Variants in OR51B5 observed in about 807,000 individuals in gnomAD.
The protein encoded by OR51B5 is olfactory receptor family 51 subfamily B member 5, also known as olfactory receptor 51B5.
For synonymous variants in OR51B5, 186 were observed against 144.8 expected, an observed-to-expected ratio of 1.28 and a Z score of -2.04; for missense variants, 456 against 374.6, an observed-to-expected ratio of 1.22 and a Z score of -1.79.
chr11:5,429,460 G>A (rs140884499), intron 1 of OR51B5, among the ~76,000 whole-genome samples: 1 of 152,278 alleles, frequency 6.6e-6, no homozygotes, highest in East Asian at 1.9e-4. Context: ...TATTTTCATT[G>A]TAATTGGAGG....
intron 1 of OR51B5, among the ~76,000 whole-genome samples, chr11:5,366,565 C>T (rs576597367): frequency 1.3e-5 from 2 of 151,460 alleles, no homozygotes; most frequent in Non-Finnish European, 2.9e-5. Flanking sequence ...GCCGAGATCG[C>T]GCCATTGCAC....
At chr11:5,400,190 C>G (rs1230999307) in intron 1 of OR51B5, among the ~76,000 whole-genome samples, 1 of 152,176 alleles carries the variant, frequency 6.6e-6, no homozygotes, top group East Asian at 1.9e-4. Flanking sequence ...TAGCCCACAG[C>G]ACAGAGCTTT....
rs912177324 is a variant in OR51B5 at position 5,385,809 on chromosome 11, C to G, written n.85-38899G>C. Among the ~76,000 whole-genome samples, 10 of 148,140 alleles carry G rather than the reference C, an allele frequency of 6.8e-5. No individual in the cohort carries two copies. In the South Asian group the frequency reaches 2.1e-3, roughly 31 times the overall value. On this transcript the variant is annotated intron_variant and non_coding_transcript_variant, in intron 1 of 4. Transcript: ENST00000415970. ...TACCCTATACTTATATATAAAAAAT[C>G]TATAAAGTATATAAAGAATATATAA...
At chr11:5,364,647 G>A (rs1042425124) in intron 1 of OR51B5, among the ~76,000 whole-genome samples, 1 of 147,276 alleles carries the variant, frequency 6.8e-6, no homozygotes, top group Non-Finnish European at 1.5e-5. Context: ...CCATCCTCAT[G>A]TGCATCTCTG....
chr11:5,389,381 C>T (rs1389265594), intron 1 of OR51B5: 1 of 1,605,086 alleles, frequency 6.2e-7, no homozygotes, highest in Non-Finnish European at 8.5e-7. Flanking sequence ...CATTTATTTT[C>T]AGCTCAATCC....
chr11:5,359,171 G>T (rs980806634), intron 1 of OR51B5, among the ~76,000 whole-genome samples: 19 of 152,010 alleles, frequency 1.2e-4, no homozygotes, highest in African/African-American at 4.3e-4. Flanking sequence ...AGGAAAAAAA[G>T]GTATTCAATT....
intron 1 of OR51B5, among the ~76,000 whole-genome samples, chr11:5,353,278 G>C (rs1849132008): frequency 1.3e-5 from 2 of 152,116 alleles, no homozygotes; most frequent in Non-Finnish European, 2.9e-5. Context: ...ATAATAATTT[G>C]AAAACAGAGA....
At chr11:5,433,463 G>C (rs554511095) in intron 1 of OR51B5, among the ~76,000 whole-genome samples, 1 of 152,294 alleles carries the variant, frequency 6.6e-6, no homozygotes, top group East Asian at 1.9e-4. Flanking sequence ...TGATGTATGA[G>C]TCAGTGATCC....
intron 1 of OR51B5, among the ~76,000 whole-genome samples, chr11:5,393,613 G>A (rs1849828740): frequency 1.3e-5 from 2 of 152,028 alleles, no homozygotes; most frequent in African/African-American, 2.4e-5. Flanking sequence ...CAATGAAGAT[G>A]ATAATTATGA....
intron 1 of OR51B5, among the ~76,000 whole-genome samples, chr11:5,430,469 C>G (rs771041920): frequency 6.6e-6 from 1 of 152,128 alleles, no homozygotes; most frequent in East Asian, 1.9e-4. Context: ...CACACATACA[C>G]AAATAAAATG....
intron 1 of OR51B5, among the ~76,000 whole-genome samples, chr11:5,465,266 T>C (rs201472970): frequency 0.16 from 22,974 of 148,028 alleles, 1,960 homozygotes; most frequent in East Asian, 0.36. Context: ...CCAGCACCTG[T>C]TGTTTCCTGA....
chr11:5,356,953 A>C lies in OR51B5; in HGVS notation n.85-10043T>G, dbSNP rs538538919. 4.1e-3 allele frequency among the ~76,000 whole-genome samples: 626 copies of C among 151,782 alleles called. 3 individuals are homozygous for C. Among genetic ancestry groups the C allele is most frequent in the African/African-American group, 0.014 (593 of 41,280 alleles). On this transcript the variant is annotated intron_variant and non_coding_transcript_variant, in intron 1 of 4. Transcript: ENST00000415970. Reference sequence around the variant, plus strand: ...AGAGATTTTGTCATCACCAGGCCTGACCTAAAAGAGCTCCTGAAGGAAGCA... The same window carrying C: ...AGAGATTTTGTCATCACCAGGCCTGCCCTAAAAGAGCTCCTGAAGGAAGCA...
intron 1 of OR51B5, among the ~76,000 whole-genome samples, chr11:5,385,065 G>A (rs191019617): frequency 6.6e-6 from 1 of 152,320 alleles, no homozygotes; most frequent in Non-Finnish European, 1.5e-5. Context: ...AGGTGAGGTA[G>A]AGAGCCAATT....
At chr11:5,449,650 G>A (rs900326713) in intron 1 of OR51B5, among the ~76,000 whole-genome samples, 10 of 152,248 alleles carry the variant, frequency 6.6e-5, no homozygotes, top group Middle Eastern at 3.4e-3. Context: ...AAAGGTCAAA[G>A]TTTCTGTGGC....
chr11:5,375,045 G>C (rs977114682), intron 1 of OR51B5, among the ~76,000 whole-genome samples: 2 of 151,434 alleles, frequency 1.3e-5, no homozygotes, highest in African/African-American at 2.4e-5. Flanking sequence ...ATTCACCAAA[G>C]TTGAAATGAA....
At chr11:5,342,488 A>C (rs903521276), downstream of OR51B5, 115 of 1,403,312 alleles carry the variant, frequency 8.2e-5, no homozygotes, top group Non-Finnish European at 1.1e-4. Context: ...TATTTTACCA[A>C]GTCATATGAG....
intron 1 of OR51B5, among the ~76,000 whole-genome samples, chr11:5,473,471 T>C (rs1293399514): frequency 6.6e-6 from 1 of 152,230 alleles, no homozygotes; most frequent in Non-Finnish European, 1.5e-5. Flanking sequence ...CAGTGTTAGA[T>C]AATTATAATT....
chr11:5,434,527 C>G (rs1057235902), intron 1 of OR51B5, among the ~76,000 whole-genome samples: 30 of 152,254 alleles, frequency 2.0e-4, no homozygotes, highest in African/African-American at 7.0e-4. Context: ...TCTTTTGAAT[C>G]TGTCTAATTA....
chr11:5,363,207 C>A (rs1271175596), intron 1 of OR51B5, among the ~76,000 whole-genome samples: 1 of 150,412 alleles, frequency 6.6e-6, no homozygotes, highest in Non-Finnish European at 1.5e-5. Context: ...TACAGGATCT[C>A]AAGTGTTTCC....
Sources: allele counts gnomAD v4.1 joint callset (sites outside exome capture counted in the v4.1 genomes callset), GRCh38; gene constraint gnomAD v4.1.1; transcripts MANE v1.5; gene names NCBI Gene and HGNC (gene_info 2026-07-23, HGNC 2026-07-21).